MCTP1: variants seen among roughly 807,000 people sequenced by gnomAD.
The protein encoded by MCTP1 is multiple C2 and transmembrane domain-containing protein 1.
MCTP1 carries 69 observed loss-of-function variants against 120.6 expected under a neutral mutation model. The observed-to-expected ratio is 0.57, with a 90% CI of 0.47 to 0.70. The LOEUF (loss-of-function observed/expected upper bound fraction) is 0.70. MCTP1 is among the 30% of genes least tolerant of loss of function. The pLI is 0.00. For missense variants in MCTP1, 1,203 were observed against 1,248.8 expected (o/e 0.96, Z 0.55); for synonymous variants, 529 against 493.1 (o/e 1.07, Z -0.96).
intron 10 of MCTP1, among the ~76,000 whole-genome samples, chr5:94,896,780 C>T (rs1219847662): frequency 3.9e-5 from 6 of 152,114 alleles, no homozygotes; most frequent in East Asian, 3.9e-4. Flanking sequence ...CCCATACTGG[C>T]CTATTTCACT....
chr5:94,964,292 T>C (rs1010257899), intron 2 of MCTP1, among the ~76,000 whole-genome samples: 1 of 152,162 alleles, frequency 6.6e-6, no homozygotes, highest in African/African-American at 2.4e-5. Context: ...ATGATCTAAC[T>C]GGAGGATATT....
At chr5:95,059,492 T>C (rs967890064) in intron 1 of MCTP1, among the ~76,000 whole-genome samples, 1 of 152,050 alleles carries the variant, frequency 6.6e-6, no homozygotes, top group African/African-American at 2.4e-5. Flanking sequence ...ATGGGATTAT[T>C]TGTACTCAAA....
At chr5:94,923,267 G>A (rs1431294768) in intron 7 of MCTP1, among the ~76,000 whole-genome samples, 1 of 152,192 alleles carries the variant, frequency 6.6e-6, no homozygotes, top group Non-Finnish European at 1.5e-5. Flanking sequence ...CATATACCAA[G>A]TGTGAATTTT....
At chr5:95,000,401 A>G (rs1833444139) in intron 2 of MCTP1, among the ~76,000 whole-genome samples, 1 of 152,202 alleles carries the variant, frequency 6.6e-6, no homozygotes, top group African/African-American at 2.4e-5. Flanking sequence ...GAGGTATTCC[A>G]AAAGAAGGCA....
chr5:95,166,917 C>CCTT (rs1746465216), intron 1 of MCTP1, among the ~76,000 whole-genome samples: 1 of 137,864 alleles, frequency 7.3e-6, no homozygotes. Flanking sequence ...CCTTTCTATT[C>CCTT]TTTTTTTTTT....
intron 17 of MCTP1, among the ~76,000 whole-genome samples, chr5:94,860,387 T>C (rs1795530923): frequency 1.3e-5 from 2 of 151,756 alleles, no homozygotes; most frequent in South Asian, 2.1e-4. Flanking sequence ...TGTGGACTTC[T>C]GGACTTCTCC....
rs191416461 is a variant in MCTP1 at position 95,174,961 on chromosome 5, T to G, written c.720+108895A>C. On this transcript the variant is annotated intron_variant, in intron 1 of 22. Coordinates refer to ENST00000515393, the MANE Select transcript of MCTP1 (RefSeq NM_024717.7). ...TTTTCCATTTGTCTCCCTGTCTTTC[T>G]TACTTCAACATTTATTATATTGGCA... Among the ~76,000 whole-genome samples the G allele has an allele frequency of 1.1e-4, 16 of 152,312 alleles. No homozygotes were observed. In the East Asian group the frequency reaches 3.1e-3, roughly 29 times the overall value.
intron 1 of MCTP1, among the ~76,000 whole-genome samples, chr5:95,078,225 A>T (rs1353942914): frequency 1.3e-5 from 2 of 152,228 alleles, no homozygotes; most frequent in African/African-American, 4.8e-5. Context: ...GCTCCTTCCC[A>T]AATGATGACT....
rs1413837827 is a variant in MCTP1 at position 94,913,004 on chromosome 5, T to A, written c.1351-28A>T. 4 of 1,572,368 alleles carry A rather than the reference T, an allele frequency of 2.5e-6. No individual in the cohort carries two copies. The South Asian group carries it at 4.8e-5, about 19-fold the overall frequency. On this transcript the variant is annotated intron_variant, in intron 8 of 22. Transcript: ENST00000515393. Reference sequence around the variant, plus strand: ...TTTGGCAAATGAAAATTGAGTTAGGTTACTGTGTTTTAAACCCAAAAACCT... The same window carrying A: ...TTTGGCAAATGAAAATTGAGTTAGGATACTGTGTTTTAAACCCAAAAACCT...
At chr5:94,895,115 A>G (rs1803638707) in intron 10 of MCTP1, among the ~76,000 whole-genome samples, 2 of 152,112 alleles carry the variant, frequency 1.3e-5, no homozygotes, top group Admixed American at 1.3e-4. Flanking sequence ...AGGACTTCCT[A>G]TCTCTAGGTG....
chr5:94,861,949 T>C (rs27005), intron 17 of MCTP1, among the ~76,000 whole-genome samples: 16,099 of 151,702 alleles, frequency 0.11, 917 homozygotes, highest in Non-Finnish European at 0.12. Flanking sequence ...ACACCGAGGC[T>C]TTGGTGTCCT....
At chr5:95,163,852 T>C (rs1746022222) in intron 1 of MCTP1, among the ~76,000 whole-genome samples, 2 of 152,226 alleles carry the variant, frequency 1.3e-5, no homozygotes, top group Non-Finnish European at 2.9e-5. Context: ...ATTTAAATGA[T>C]GGTTGAAAAT....
intron 17 of MCTP1, among the ~76,000 whole-genome samples, chr5:94,837,383 AC>A (rs757282771): frequency 6.6e-6 from 1 of 152,106 alleles, no homozygotes; most frequent in Non-Finnish European, 1.5e-5. Flanking sequence ...CCTGTCTCAA[AC>A]AAACAAAACA....
At chr5:94,842,795 A>G (rs1217583426) in intron 17 of MCTP1, among the ~76,000 whole-genome samples, 2 of 152,226 alleles carry the variant, frequency 1.3e-5, no homozygotes, top group Non-Finnish European at 2.9e-5. Context: ...GAAATAATAT[A>G]GAAAAGACCA....
At chr5:94,826,772 CTTTTTTTTTTTTTTTTTTTTTTT>C in intron 17 of MCTP1, 2 of 39,334 alleles carry the variant, frequency 5.1e-5, no homozygotes, top group Non-Finnish European at 7.7e-5. Context: ...GTGACCCCTG[CTTTTTTTTTTTTTTTTTTTTTTT>C]TTTTTTTTTT....
At chr5:94,808,463 T>C (rs1211893673) in intron 17 of MCTP1, among the ~76,000 whole-genome samples, 1 of 152,204 alleles carries the variant, frequency 6.6e-6, no homozygotes, top group Non-Finnish European at 1.5e-5. Flanking sequence ...TATTTTGCTA[T>C]TTCCTGTGAT....
At chr5:94,902,344 T>C (rs1008075093) in intron 10 of MCTP1, among the ~76,000 whole-genome samples, 17 of 152,084 alleles carry the variant, frequency 1.1e-4, no homozygotes, top group Admixed American at 2.6e-4. Flanking sequence ...GCCAAAACAA[T>C]CCAAAATTAT....
chr5:94,718,775 G>A (rs771115976), intron 19 of MCTP1, among the ~76,000 whole-genome samples: 3 of 152,066 alleles, frequency 2.0e-5, no homozygotes, highest in East Asian at 1.9e-4. Context: ...GCTGCAGCGC[G>A]ATGGTGCAGT....
At chr5:95,082,945 C>T (rs566904546) in intron 1 of MCTP1, among the ~76,000 whole-genome samples, 26 of 152,292 alleles carry the variant, frequency 1.7e-4, no homozygotes, top group Admixed American at 3.9e-4. Context: ...TCTCCAATTA[C>T]TTTCTATCGG....
Sources: gnomAD v4.1 joint callset for allele counts (sites outside exome capture counted in the v4.1 genomes callset) on GRCh38, gnomAD v4.1.1 for gene constraint, MANE v1.5 for transcripts, NCBI Gene and HGNC (gene_info 2026-07-23, HGNC 2026-07-21) for gene names.